Variants in IL1RAPL1 observed in about 807,000 individuals in gnomAD.
The protein encoded by IL1RAPL1 is interleukin 1 receptor accessory protein like 1.
A neutral mutation model predicts 48.4 loss-of-function variants in IL1RAPL1; 3 were observed. The observed-to-expected ratio is 0.06, with a 90% CI of 0.03 to 0.16. IL1RAPL1 has a LOEUF of 0.16. IL1RAPL1 is among the 10% of genes least tolerant of loss of function. IL1RAPL1 has a pLI of 1.00. For missense variants in IL1RAPL1, 349 were observed against 530.6 expected, an observed-to-expected ratio of 0.66 and a Z score of 3.36; for synonymous variants, 185 against 187.7, an observed-to-expected ratio of 0.99 and a Z score of 0.12.
chrX:29,069,856 C>T lies in IL1RAPL1; in HGVS notation c.83-213082C>T, dbSNP rs188029156. 6.9e-4 allele frequency among the ~76,000 whole-genome samples: 77 copies of T among 111,700 alleles called. No individual in the cohort carries two copies. The Middle Eastern group carries it at 0.014, about 20-fold the overall frequency. ...TATTAGCAACAACAGCCCCACCAGC[C>T]GTTGCAGATTCTGCCATCAAGTTAA... On this transcript the variant is annotated intron_variant, in intron 2 of 10. Coordinates refer to ENST00000378993, the MANE Select transcript of IL1RAPL1 (RefSeq NM_014271.4).
At chrX:29,207,205 T>G (rs780182127) in intron 2 of IL1RAPL1, among the ~76,000 whole-genome samples, 1 of 112,110 alleles carries the variant, frequency 8.9e-6, no homozygotes, top group East Asian at 2.8e-4. Context: ...CATAAACTAT[T>G]TCCTCAAATA....
At position 29,081,010 on chromosome X, in the gene IL1RAPL1, CTCTCTCTCTCTTTCT is replaced by C. The variant is rs1254945971; in HGVS notation, c.83-201926_83-201912del. ...TTTCTTTCTTTCTCTCTCTCTCTCT[CTCTCTCTCTCTTTCT>C]TTTCTTTTCTTTTCTTTTCTTTTCT... is the stretch of plus-strand genomic sequence containing the variant. On this transcript the variant is annotated intron_variant, in intron 2 of 10. Coordinates refer to ENST00000378993, the MANE Select transcript of IL1RAPL1 (RefSeq NM_014271.4). Among the ~76,000 whole-genome samples, 9 of 67,724 alleles carry C rather than the reference CTCTCTCTCTCTTTCT, an allele frequency of 1.3e-4. No homozygotes were observed. The East Asian group carries it at 3.1e-3, about 23-fold the overall frequency. The allele number at this position is 67,724 out of a possible 115,157, so 58.8% of individuals were successfully genotyped here.
chrX:28,851,923 A>G (rs1470705980), intron 2 of IL1RAPL1, among the ~76,000 whole-genome samples: 2 of 112,257 alleles, frequency 1.8e-5, no homozygotes, highest in Non-Finnish European at 3.8e-5. Context: ...ATTGAAGACA[A>G]ATTGCCTCAG....
chrX:28,670,887 T>C (rs1934940950), intron 1 of IL1RAPL1, among the ~76,000 whole-genome samples: 1 of 112,137 alleles, frequency 8.9e-6, no homozygotes, highest in African/African-American at 3.2e-5. Flanking sequence ...ATGTACACAC[T>C]GAAAGGACAA....
intron 2 of IL1RAPL1, among the ~76,000 whole-genome samples, chrX:29,208,224 T>A (rs1930701335): frequency 9.0e-6 from 1 of 111,452 alleles, no homozygotes; most frequent in Admixed American, 9.6e-5. Flanking sequence ...ATGCATAGGT[T>A]CCCAAATTCC....
chrX:29,669,020 G>A (rs73454531), intron 6 of IL1RAPL1, among the ~76,000 whole-genome samples: 2,131 of 111,066 alleles, frequency 0.019, 54 homozygotes, highest in African/African-American at 0.066. Context: ...TTTGGTTAAG[G>A]GACTAGCAGA....
At chrX:28,621,166 G>A (rs982182843) in intron 1 of IL1RAPL1, among the ~76,000 whole-genome samples, 1 of 112,153 alleles carries the variant, frequency 8.9e-6, no homozygotes, top group Non-Finnish European at 1.9e-5. Flanking sequence ...TTGTTTATCT[G>A]TTTGTTTCTT....
intron 6 of IL1RAPL1, among the ~76,000 whole-genome samples, chrX:29,816,499 A>G (rs1188281555): frequency 9.1e-6 from 1 of 110,438 alleles, no homozygotes; most frequent in Non-Finnish European, 1.9e-5. Flanking sequence ...AAGTACAAAG[A>G]AGAGCTGCTA....
At chrX:28,923,413 AATCC>A (rs1360812764) in intron 2 of IL1RAPL1, among the ~76,000 whole-genome samples, 1 of 110,340 alleles carries the variant, frequency 9.1e-6, no homozygotes, top group Admixed American at 9.7e-5. Context: ...AACCTCAGGT[AATCC>A]ACCCACCTCA....
chrX:29,274,552 C>T (rs1932089854), intron 2 of IL1RAPL1, among the ~76,000 whole-genome samples: 1 of 112,055 alleles, frequency 8.9e-6, no homozygotes, highest in South Asian at 3.7e-4. Context: ...TATTAAAATA[C>T]ACAACAGACT....
At chrX:29,890,419 G>A (rs992365511) in intron 6 of IL1RAPL1, among the ~76,000 whole-genome samples, 1 of 111,966 alleles carries the variant, frequency 8.9e-6, no homozygotes, top group South Asian at 3.7e-4. Context: ...GGCTGCAGTG[G>A]TTGGGGTATG....
chrX:29,627,304 G>A (rs1316814386), intron 5 of IL1RAPL1, among the ~76,000 whole-genome samples: 5 of 112,171 alleles, frequency 4.5e-5, no homozygotes, highest in Non-Finnish European at 9.4e-5. Context: ...ATTGATAATC[G>A]GAAGGGTTTT....
intron 6 of IL1RAPL1, among the ~76,000 whole-genome samples, chrX:29,833,024 C>G (rs1240419084): frequency 1.3e-4 from 15 of 111,297 alleles, no homozygotes; most frequent in Non-Finnish European, 2.6e-4. Flanking sequence ...ATACCCACAA[C>G]TACCCCCCTG....
chrX:29,395,704 T>C (rs1343237450), intron 3 of IL1RAPL1, among the ~76,000 whole-genome samples: 1 of 111,732 alleles, frequency 8.9e-6, no homozygotes, highest in Non-Finnish European at 1.9e-5. Flanking sequence ...AATACTTTTA[T>C]CCAAGAATGT....
chrX:28,883,162 TG>T, intron 2 of IL1RAPL1, among the ~76,000 whole-genome samples: 1 of 112,035 alleles, frequency 8.9e-6, no homozygotes, highest in East Asian at 2.8e-4. Flanking sequence ...GTTTCCTCAC[TG>T]AATAAGAAGA....
chrX:29,604,326 T>C, intron 5 of IL1RAPL1, among the ~76,000 whole-genome samples: 1 of 112,405 alleles, frequency 8.9e-6, no homozygotes, highest in Non-Finnish European at 1.9e-5. Context: ...TTTGATAAAA[T>C]GGATAGAGGA....
rs193022053 is a variant in IL1RAPL1 at position 29,910,593 on chromosome X, A to G, written c.779-6871A>G. Among the ~76,000 whole-genome samples, 267 of 111,963 alleles carry G rather than the reference A, an allele frequency of 2.4e-3. 1 individual carries two copies. The highest frequency in any genetic ancestry group is 4.7e-3 in the Middle Eastern group (1 of 215). ...AAAAATATAGTCTGATTTTATAATC[A>G]TACATTTTATAAATCATTTTATAAA... On this transcript the variant is annotated intron_variant, in intron 6 of 10. Coordinates refer to ENST00000378993, the MANE Select transcript of IL1RAPL1 (RefSeq NM_014271.4).
intron 2 of IL1RAPL1, among the ~76,000 whole-genome samples, chrX:29,193,526 G>A (rs775441759): frequency 3.6e-5 from 4 of 110,585 alleles, no homozygotes; most frequent in African/African-American, 1.3e-4. Flanking sequence ...CCAATACATC[G>A]TAGATCTAGG....
chrX:28,892,186 C>T (rs1922789052), intron 2 of IL1RAPL1, among the ~76,000 whole-genome samples: 1 of 110,373 alleles, frequency 9.1e-6, no homozygotes, highest in South Asian at 3.9e-4. Flanking sequence ...TTTTAATCAC[C>T]TGGGTGCAGG....
Sources: allele counts gnomAD v4.1 joint callset (sites outside exome capture counted in the v4.1 genomes callset), GRCh38; gene constraint gnomAD v4.1.1; transcripts MANE v1.5; gene names NCBI Gene and HGNC (gene_info 2026-07-23, HGNC 2026-07-21).